The following PCBP3 variants were observed in gnomAD, a reference collection of about 807,000 sequenced individuals.
The protein encoded by PCBP3 is poly(rC)-binding protein 3.
PCBP3 carries 25 observed loss-of-function variants against 52.7 expected under a neutral mutation model. The ratio of observed to expected loss-of-function variants is 0.47; its 90% confidence interval spans 0.35 to 0.66. The LOEUF (loss-of-function observed/expected upper bound fraction) is 0.66, where lower values mean the gene tolerates loss of function less well. Ranked by LOEUF, PCBP3 falls within the 30% of genes least tolerant of loss-of-function variation. PCBP3 has a pLI of 0.01. For missense variants in PCBP3, 391 were observed against 490.3 expected, an observed-to-expected ratio of 0.80 and a Z score of 1.91; for synonymous variants, 162 against 183.0, an observed-to-expected ratio of 0.89 and a Z score of 0.93.
intron 4 of PCBP3, among the ~76,000 whole-genome samples, chr21:45,808,742 A>T (rs1189366782): frequency 6.6e-6 from 1 of 152,206 alleles, no homozygotes; most frequent in Non-Finnish European, 1.5e-5. Context: ...ATGCATGTGT[A>T]TATTTATTAC....
chr21:45,860,443 G>A lies in PCBP3; in HGVS notation c.10+10348G>A, dbSNP rs79299726. On this transcript the variant is annotated intron_variant, in intron 5 of 17. Coordinates refer to ENST00000681687, the MANE Select transcript of PCBP3 (RefSeq NM_001384156.1). ...GGTTGACATTTTACACCATGTTGCT[G>A]TCTGTGTTGAACACGCAGTTGGGGC... is the stretch of plus-strand genomic sequence containing the variant. Among the ~76,000 whole-genome samples the A allele has an allele frequency of 2.1e-3, 316 of 152,306 alleles. 6 individuals carry two copies. In the East Asian group the frequency reaches 0.049, roughly 24 times the overall value.
At chr21:45,856,371 A>G (rs11701789) in intron 5 of PCBP3, among the ~76,000 whole-genome samples, 7,135 of 152,328 alleles carry the variant, frequency 0.047, 213 homozygotes, top group Non-Finnish European at 0.067. Flanking sequence ...CCAAGTACCC[A>G]TCAGAACATC....
At chr21:45,909,941 C>A (rs903646154) in intron 10 of PCBP3, among the ~76,000 whole-genome samples, 32 of 62,730 alleles carry the variant, frequency 5.1e-4, no homozygotes, top group South Asian at 1.9e-3. Flanking sequence ...CCCCCCCAAC[C>A]CACTTCCCAG....
At chr21:45,886,005 C>T (rs1032511801) in intron 5 of PCBP3, among the ~76,000 whole-genome samples, 1 of 152,256 alleles carries the variant, frequency 6.6e-6, no homozygotes, top group Non-Finnish European at 1.5e-5. Context: ...TAGCTGGCTG[C>T]CTCTGATACT....
intron 4 of PCBP3, among the ~76,000 whole-genome samples, chr21:45,770,434 C>A (rs910882333): frequency 6.6e-6 from 1 of 152,118 alleles, no homozygotes; most frequent in Admixed American, 6.5e-5. Flanking sequence ...TAACCTGTTT[C>A]TTTTTGTGCA....
At chr21:45,925,097 CAGTCGCGTG>C (rs2075200943) in intron 13 of PCBP3, among the ~76,000 whole-genome samples, 2 of 79,752 alleles carry the variant, frequency 2.5e-5, no homozygotes, top group East Asian at 4.8e-4. Flanking sequence ...ACACCGGGAA[CAGTCGCGTG>C]GGTAGAAACA....
At chr21:45,666,193 T>C (rs1175100463) in intron 1 of PCBP3, among the ~76,000 whole-genome samples, 1 of 152,176 alleles carries the variant, frequency 6.6e-6, no homozygotes, top group Non-Finnish European at 1.5e-5. Context: ...AAGCATTCCC[T>C]CTAAGAATTG....
chr21:45,796,360 GA>G (rs1170865659), intron 4 of PCBP3, among the ~76,000 whole-genome samples: 1 of 152,200 alleles, frequency 6.6e-6, no homozygotes, highest in African/African-American at 2.4e-5. Context: ...TTTCATTTAG[GA>G]AGAGCTTTTT....
At chr21:45,658,010 G>A (rs2080129993) in intron 1 of PCBP3, among the ~76,000 whole-genome samples, 1 of 152,148 alleles carries the variant, frequency 6.6e-6, no homozygotes, top group African/African-American at 2.4e-5. Flanking sequence ...AAAGCTTTTA[G>A]CCTCTCACCA....
chr21:45,644,167 G>C (rs987302315), intron 1 of PCBP3, among the ~76,000 whole-genome samples: 1 of 151,446 alleles, frequency 6.6e-6, no homozygotes, highest in Admixed American at 6.6e-5. Flanking sequence ...GAACGTCTCG[G>C]ATGTGGGTCA....
At chr21:45,891,315 T>G (rs557374732) in intron 5 of PCBP3, among the ~76,000 whole-genome samples, 1 of 152,356 alleles carries the variant, frequency 6.6e-6, no homozygotes, top group Admixed American at 6.5e-5. Context: ...CTAAAGCAGC[T>G]TTACTCGTGT....
intron 2 of PCBP3, among the ~76,000 whole-genome samples, chr21:45,733,775 A>G (rs1322809954): frequency 6.6e-6 from 1 of 151,966 alleles, no homozygotes; most frequent in East Asian, 1.9e-4. Flanking sequence ...TAATTTTTGT[A>G]TTTTTAATAG....
intron 2 of PCBP3, among the ~76,000 whole-genome samples, chr21:45,694,135 T>C (rs1225137051): frequency 6.6e-6 from 1 of 151,812 alleles, no homozygotes; most frequent in Non-Finnish European, 1.5e-5. Context: ...CAAACGAAGA[T>C]GGGAAAGGGG....
intron 1 of PCBP3, among the ~76,000 whole-genome samples, chr21:45,652,007 C>G (rs2079715148): frequency 2.0e-5 from 3 of 152,166 alleles, no homozygotes; most frequent in Admixed American, 2.0e-4. Context: ...TATGAGATCG[C>G]TCCTTTAATG....
intron 3 of PCBP3, chr21:45,750,865 C>T (rs1470810891): frequency 6.7e-6 from 1 of 149,658 alleles, no homozygotes; most frequent in Non-Finnish European, 1.5e-5. Flanking sequence ...TGTAAGCATA[C>T]ATACATGTAA....
intron 13 of PCBP3, among the ~76,000 whole-genome samples, chr21:45,926,018 C>A (rs1736420): frequency 6.6e-6 from 1 of 152,080 alleles, no homozygotes; most frequent in African/African-American, 2.4e-5. Flanking sequence ...TACAAAACCT[C>A]ATCACATACC....
intron 3 of PCBP3, among the ~76,000 whole-genome samples, chr21:45,743,752 T>C (rs2086621950): frequency 6.6e-6 from 1 of 152,184 alleles, no homozygotes; most frequent in Non-Finnish European, 1.5e-5. Flanking sequence ...AGGGTGATAG[T>C]GCTCTATAAG....
At chr21:45,797,739 G>A (rs1330396252) in intron 4 of PCBP3, among the ~76,000 whole-genome samples, 25 of 133,412 alleles carry the variant, frequency 1.9e-4, no homozygotes, top group East Asian at 6.8e-4. Flanking sequence ...ACGAGTGCGT[G>A]GATCCATAGA....
At chr21:45,876,291 G>T (rs1348937185) in intron 5 of PCBP3, among the ~76,000 whole-genome samples, 1 of 152,052 alleles carries the variant, frequency 6.6e-6, no homozygotes, top group Non-Finnish European at 1.5e-5. Context: ...GCATTTGAAA[G>T]AATTGGAACA....
Sources: allele counts gnomAD v4.1 joint callset (sites outside exome capture counted in the v4.1 genomes callset), GRCh38; gene constraint gnomAD v4.1.1; transcripts MANE v1.5; gene names NCBI Gene and HGNC (gene_info 2026-07-23, HGNC 2026-07-21).